NINL: variants seen among roughly 807,000 people sequenced by gnomAD.
The protein encoded by NINL is ninein like, also known as ninein-like protein.
In NINL, 153 loss-of-function variants were observed where a neutral mutation model predicts 160.3. The observed-to-expected ratio is 0.95, with a 90% CI of 0.84 to 1.09. The LOEUF is 1.09. Among genes scored for constraint, NINL ranks in the 50% least tolerant of loss-of-function variants. The pLI is 0.00. For synonymous variants in NINL, 800 were observed against 734.8 expected (o/e 1.09, Z -1.43); for missense variants, 1,829 against 1,764.0 (o/e 1.04, Z -0.66).
intron 1 of NINL, among the ~76,000 whole-genome samples, chr20:25,540,487 G>GC (rs1568954689): frequency 6.6e-6 from 1 of 152,212 alleles, no homozygotes; most frequent in Non-Finnish European, 1.5e-5. Context: ...TTTAAGCTAT[G>GC]CCCCCCAGAA....
chr20:25,467,564 CAG>C (rs1279389265), intron 18 of NINL, 106 bp from the exon 19 acceptor site: 1 of 824,908 alleles, frequency 1.2e-6, no homozygotes, highest in Non-Finnish European at 2.1e-6. Flanking sequence ...GTAGCCACAG[CAG>C]AGACGCCCAC....
At chr20:25,477,288 C>T (rs557577380) in intron 16 of NINL, among the ~76,000 whole-genome samples, 199 bp from the exon 17 acceptor site, 3 of 152,342 alleles carry the variant, frequency 2.0e-5, no homozygotes, top group East Asian at 3.9e-4. Context: ...ATCCGCCCCA[C>T]GGAGCGAGGT....
rs1448343150 is a variant in NINL at position 25,477,018 on chromosome 20, G to A, written c.2273C>T (p.Thr758Ile). Residue 758 changes from threonine to isoleucine, a missense_variant, in exon 17 of 24, where the codon ACC becomes ATC. Coordinates refer to ENST00000278886, the MANE Select transcript of NINL (RefSeq NM_025176.6). ...LGALPARRDL[T>I]LELEEPPQGP... ...CTGCGGCGGCTCCTCCAGCTCCAAGGTCAGGTCTCTGCGAGCGGGCAGGGC... is the reference window on the plus strand; with the variant it reads ...CTGCGGCGGCTCCTCCAGCTCCAAGATCAGGTCTCTGCGAGCGGGCAGGGC... The A allele has an allele frequency of 1.9e-6, 3 of 1,600,718 alleles. No individual in the cohort carries two copies. Among genetic ancestry groups the A allele is most frequent in the Non-Finnish European group, 2.5e-6 (3 of 1,179,748 alleles).
chr20:25,537,211 C>G (rs1003584328), intron 1 of NINL, among the ~76,000 whole-genome samples: 3 of 151,924 alleles, frequency 2.0e-5, no homozygotes, highest in Non-Finnish European at 4.4e-5. Flanking sequence ...AGCCCCCAAG[C>G]AGCTGGGACT....
intron 2 of NINL, among the ~76,000 whole-genome samples, chr20:25,520,354 T>A (rs903283275): frequency 6.6e-6 from 1 of 152,190 alleles, no homozygotes; most frequent in African/African-American, 2.4e-5. Context: ...CAAGCATGCT[T>A]CCAAAATCTG....
intron 13 of NINL, among the ~76,000 whole-genome samples, chr20:25,488,598 C>G (rs919771039): frequency 5.9e-5 from 9 of 151,990 alleles, no homozygotes; most frequent in Middle Eastern, 3.4e-3. Context: ...GATGGACTGA[C>G]GCAGCAGCAG....
At chr20:25,511,541 T>C (rs868013824) in intron 4 of NINL, among the ~76,000 whole-genome samples, 23 of 152,070 alleles carry the variant, frequency 1.5e-4, no homozygotes, top group African/African-American at 4.6e-4. Context: ...AATCTGTGAG[T>C]TGGTGATAAA....
intron 5 of NINL, among the ~76,000 whole-genome samples, chr20:25,508,915 A>AC (rs1201364967): frequency 6.6e-6 from 1 of 151,738 alleles, no homozygotes; most frequent in Admixed American, 6.6e-5. Flanking sequence ...AGCACATGAC[A>AC]CCCCCCTGTT....
chr20:25,487,513 T>C (rs1601112458), intron 13 of NINL, among the ~76,000 whole-genome samples: 1 of 152,208 alleles, frequency 6.6e-6, no homozygotes. Context: ...CTGGGTTCAG[T>C]GTCTATTGTT....
At chr20:25,526,040 G>A (rs1453885121) in intron 2 of NINL, among the ~76,000 whole-genome samples, 1 of 152,220 alleles carries the variant, frequency 6.6e-6, no homozygotes, top group East Asian at 1.9e-4. Context: ...TCAAGGGACT[G>A]TGACGCTCTC....
intron 1 of NINL, among the ~76,000 whole-genome samples, chr20:25,568,874 G>A (rs1217814070): frequency 6.6e-6 from 1 of 151,734 alleles, no homozygotes; most frequent in African/African-American, 2.4e-5. Context: ...ATCACTTGAG[G>A]CCAGGAGTTT....
At chr20:25,518,818 C>T (rs927287131) in intron 2 of NINL, among the ~76,000 whole-genome samples, 2 of 151,460 alleles carry the variant, frequency 1.3e-5, no homozygotes, top group African/African-American at 4.9e-5. Flanking sequence ...GACGTTATGG[C>T]CAGGCATGGT....
At chr20:25,469,182 T>G (rs367666) in intron 18 of NINL, among the ~76,000 whole-genome samples, 1 of 72,388 alleles carries the variant, frequency 1.4e-5, no homozygotes, top group South Asian at 5.4e-4. Context: ...CTGGTGAGTG[T>G]CCCCTTGCCC....
intron 1 of NINL, among the ~76,000 whole-genome samples, chr20:25,537,774 T>C (rs2064585671): frequency 6.6e-6 from 1 of 152,084 alleles, no homozygotes; most frequent in Non-Finnish European, 1.5e-5. Context: ...TGTCCCATTG[T>C]GGGGGGCGCA....
chr20:25,530,795 A>G lies in NINL; in HGVS notation c.-11-4197T>C, dbSNP rs145908851. ...ATCACGTGCTTCATAAGGTAATAGAATATCACAAGGCAAATGGAGGCAGGG... is the reference window on the plus strand; with the variant it reads ...ATCACGTGCTTCATAAGGTAATAGAGTATCACAAGGCAAATGGAGGCAGGG... On this transcript the variant is annotated intron_variant, in intron 1 of 23. Coordinates refer to ENST00000278886, the MANE Select transcript of NINL (RefSeq NM_025176.6). Among the ~76,000 whole-genome samples the G allele has an allele frequency of 9.2e-3, 1,405 of 152,286 alleles. 22 individuals carry two copies. Among genetic ancestry groups the G allele is most frequent in the African/African-American group, 0.029 (1,211 of 41,558 alleles).
intron 1 of NINL, among the ~76,000 whole-genome samples, chr20:25,541,872 T>C (rs985817605): frequency 1.3e-5 from 2 of 152,042 alleles, no homozygotes; most frequent in African/African-American, 4.8e-5. Context: ...CCGTGTATGA[T>C]CAAAAACAAT....
At chr20:25,580,039 AG>A (rs2065155395) in intron 1 of NINL, among the ~76,000 whole-genome samples, 2 of 12,210 alleles carry the variant, frequency 1.6e-4, no homozygotes, top group Non-Finnish European at 1.5e-3. Flanking sequence ...TAAGGTTATA[AG>A]AAGATGTGTG....
chr20:25,496,406 G>A (rs1297784081), intron 10 of NINL, among the ~76,000 whole-genome samples: 1 of 152,200 alleles, frequency 6.6e-6, no homozygotes, highest in Non-Finnish European at 1.5e-5. Flanking sequence ...CCAGCAAAGC[G>A]AGGGCAGGAG....
At chr20:25,457,069 T>C (rs908286230) in intron 22 of NINL, among the ~76,000 whole-genome samples, 1 of 152,128 alleles carries the variant, frequency 6.6e-6, no homozygotes, top group Non-Finnish European at 1.5e-5. Context: ...CTCACACCTA[T>C]AATCCCAGCA....
Sources: gnomAD v4.1 joint callset for allele counts (sites outside exome capture counted in the v4.1 genomes callset) on GRCh38, gnomAD v4.1.1 for gene constraint, MANE v1.5 for transcripts, NCBI Gene and HGNC (gene_info 2026-07-23, HGNC 2026-07-21) for gene names.